The following XRCC1 variants were observed in gnomAD, a reference collection of about 807,000 sequenced individuals.
XRCC1 encodes DNA repair protein XRCC1.
A neutral mutation model predicts 83.3 loss-of-function variants in XRCC1; 52 were observed. The observed-to-expected ratio is 0.62, with a 90% CI of 0.50 to 0.79. The LOEUF (loss-of-function observed/expected upper bound fraction) is 0.79, where lower values mean the gene tolerates loss of function less well. Among genes scored for constraint, XRCC1 ranks in the 30% least tolerant of loss-of-function variants. The probability of loss-of-function intolerance (pLI) is 0.00; values close to 1 mark genes in which losing one functional copy is unlikely to be tolerated. For missense variants in XRCC1, 793 were observed against 823.5 expected (o/e 0.96, Z 0.45); for synonymous variants, 281 against 312.6 (o/e 0.90, Z 1.07).
At position 43,545,793 on chromosome 19, in the gene XRCC1, C is replaced by G. The variant is rs368840911; in HGVS notation, c.1621+25G>C. 2.5e-6 allele frequency: 4 copies of G among 1,611,886 alleles called. No homozygotes were observed. In the African/African-American group the frequency reaches 5.3e-5, roughly 22 times the overall value. ...GAACTGAGAAGAGAAAATGCCACTT[C>G]AGGAGGGATGGGGGGATTTCCCACC... On this transcript the variant is annotated intron_variant, in intron 14 of 16. Coordinates refer to ENST00000262887, the MANE Select transcript of XRCC1 (RefSeq NM_006297.3).
In XRCC1 at chr19:43,557,792, C is replaced by CAAAAAA. The variant is rs35267441; in HGVS notation, c.256-2994_256-2989dup. Among the ~76,000 whole-genome samples the CAAAAAA allele has an allele frequency of 6.8e-4, 28 of 41,012 alleles. 1 individual carries two copies. Among genetic ancestry groups the CAAAAAA allele is most frequent in the Admixed American group, 2.7e-3 (7 of 2,594 alleles). The allele number at this position is 41,012 out of a possible 152,430, so 26.9% of individuals were successfully genotyped here. A position where few individuals can be genotyped will look rare whatever the true frequency, so the allele number is the denominator to read the frequency against. ...GGGCAACAGGAGCAAAATTCCATCTCAAAAAAAAAAAAAAAAAAAAAAAAA... is the reference window on the plus strand; with the variant it reads ...GGGCAACAGGAGCAAAATTCCATCTCAAAAAAAAAAAAAAAAAAAAAAAAAAAAAAA... On this transcript the variant is annotated intron_variant, in intron 3 of 16. Transcript: ENST00000262887.
intron 8 of XRCC1, 101 bp downstream of exon 8, chr19:43,552,696 G>T: frequency 8.5e-7 from 1 of 1,173,942 alleles, no homozygotes; most frequent in Non-Finnish European, 1.2e-6. Flanking sequence ...CAGGCCCCCA[G>T]CCCTTCCTCC....
At chr19:43,547,485 C>CT (rs71169260) in intron 10 of XRCC1, among the ~76,000 whole-genome samples, 14,913 of 140,008 alleles carry the variant, frequency 0.11, 872 homozygotes, top group East Asian at 0.25. Flanking sequence ...CTCCTGGCCG[C>CT]TTTTTTTTTT....
In XRCC1 at chr19:43,543,515, G is replaced by T. The variant is rs777661657; in HGVS notation, c.1789-10C>A. The T allele has an allele frequency of 3.1e-6, 5 of 1,613,696 alleles. No homozygotes were observed. The highest frequency in any genetic ancestry group is 2.2e-5 in the East Asian group (1 of 44,846). ...GGTTGTCCATCAGGGCCTGCAGGGT[G>T]GGGTGGAGTCCATACGGGAATGTGT... On this transcript the variant is annotated splice_polypyrimidine_tract_variant and intron_variant, in intron 16 of 16. Transcript: ENST00000262887.
chr19:43,547,743 AC>A (rs1041658612), intron 10 of XRCC1, among the ~76,000 whole-genome samples: 1 of 151,700 alleles, frequency 6.6e-6, no homozygotes, highest in Admixed American at 6.6e-5. Context: ...CGAGTGATCC[AC>A]CCACCTCAGC....
In XRCC1 at chr19:43,552,097, G is replaced by C. The variant is rs1380630598; in HGVS notation, c.1002C>G (p.Phe334Leu). The change falls in exon 9 of 17, where the codon TTC (phenylalanine) becomes TTG (leucine). Residue 334 changes from phenylalanine (F) to leucine (L), a missense_variant. By Grantham distance (22) the Phe-to-Leu change is conservative. Transcript: ENST00000262887. ...VVVLSGFQNP[F>L]RSELRDKALE... ...GGGCCTTATCTCGCAGCTCGGAGCG[G>C]AAGGGGTTCTGGAAGCCACTCAGCA... 6.2e-7 allele frequency: 1 copy of C among 1,614,110 alleles called. No homozygotes were observed. Among genetic ancestry groups the C allele is most frequent in the Admixed American group, 1.7e-5 (1 of 60,014 alleles).
intron 2 of XRCC1, among the ~76,000 whole-genome samples, chr19:43,561,358 C>A (rs1972697352): frequency 6.6e-6 from 1 of 152,228 alleles, no homozygotes; most frequent in Non-Finnish European, 1.5e-5. Context: ...TTATTCAAAT[C>A]ATCATGCAGA....
rs778759395 is a variant in XRCC1 at position 43,575,452 on chromosome 19, C to G, written c.7G>C (p.Glu3Gln). 1 of 1,612,266 alleles carries G rather than the reference C, an allele frequency of 6.2e-7. No homozygotes were observed. The highest frequency in any genetic ancestry group is 8.5e-7 in the Non-Finnish European group (1 of 1,178,686). MP[E>Q]IRLRHVVSCS... ...GACACGACATGGCGGAGGCGGATCT[C>G]CGGCATGTCAACGTCGTGGGCTTCG... The change falls in exon 1 of 17, where the codon GAG (glutamate) becomes CAG (glutamine). Residue 3 changes from glutamate to glutamine, a missense_variant. Glu to Gln is a conservative substitution (Grantham distance 29). Transcript: ENST00000262887.
intron 15 of XRCC1, 48 bp downstream of exon 15, chr19:43,544,096 T>A: frequency 6.5e-7 from 1 of 1,528,456 alleles, no homozygotes; most frequent in Non-Finnish European, 8.9e-7. Flanking sequence ...CCCTGAGCGT[T>A]CCCTTGGATC....
chr19:43,571,807 C>T (rs757698124), intron 2 of XRCC1, among the ~76,000 whole-genome samples: 16 of 152,190 alleles, frequency 1.1e-4, no homozygotes, highest in Non-Finnish European at 1.9e-4. Context: ...TATTTTTTGT[C>T]TTCTGCTGTG....
intron 10 of XRCC1, among the ~76,000 whole-genome samples, chr19:43,547,939 T>C (rs1345279359): frequency 6.6e-6 from 1 of 152,160 alleles, no homozygotes; most frequent in African/African-American, 2.4e-5. Flanking sequence ...CAAACACATT[T>C]TAAAGACTAC....
At chr19:43,574,422 G>A (rs1242265593) in intron 2 of XRCC1, 1 of 152,132 alleles carries the variant, frequency 6.6e-6, no homozygotes, top group African/African-American at 2.4e-5. Context: ...ATAGAGACAG[G>A]GTCTTGATAT....
chr19:43,544,465 G>T (rs1177344197), intron 14 of XRCC1, among the ~76,000 whole-genome samples: 3 of 151,858 alleles, frequency 2.0e-5, no homozygotes, highest in Non-Finnish European at 4.4e-5. Context: ...CTATTATTGT[G>T]ATTTGTTTCT....
rs1385286728 is a variant in XRCC1 at position 43,543,661 on chromosome 19, C to T, written c.1739G>A (p.Arg580Gln). The change falls in exon 16 of 17, where the codon CGG becomes CAG. Residue 580 changes from arginine (R) to glutamine (Q), a missense_variant. Transcript: ENST00000262887. ...CTGTGCTGTGATCACAAACTGAACCCGGTCACTCATATAGTCCTCGAGCTC... is the reference window on the plus strand; with the variant it reads ...CTGTGCTGTGATCACAAACTGAACCTGGTCACTCATATAGTCCTCGAGCTC... ...NGELEDYMSDRVQFVITAQEW... is the reference protein window; with the variant it reads ...NGELEDYMSDQVQFVITAQEW... The T allele has an allele frequency of 2.5e-6, 4 of 1,613,886 alleles. No individual in the cohort carries two copies. Among genetic ancestry groups the T allele is most frequent in the African/African-American group, 2.7e-5 (2 of 74,888 alleles).
chr19:43,553,019 G>A lies in XRCC1; in HGVS notation c.674C>T (p.Ala225Val), dbSNP rs1267786964. The A allele has an allele frequency of 1.2e-6, 2 of 1,602,314 alleles. No homozygotes were observed. Among genetic ancestry groups the A allele is most frequent in the Admixed American group, 1.7e-5 (1 of 57,348 alleles). ...TLQASSAASS[A>V]SPVSRAIGST... ...GCCTATGGCCCTGGAGACTGGAGAG[G>A]CTGAGGAGGCAGCACTAGAAGCCTG... The change falls in exon 7 of 17, where the codon GCC becomes GTC. Residue 225 changes from alanine (A) to valine (V), a missense_variant. Transcript: ENST00000262887.
At chr19:43,544,973 G>C (rs1972494316) in intron 14 of XRCC1, among the ~76,000 whole-genome samples, 1 of 152,194 alleles carries the variant, frequency 6.6e-6, no homozygotes, top group Non-Finnish European at 1.5e-5. Context: ...AATGAGCTTA[G>C]TCCAGGCTGA....
In XRCC1 at chr19:43,546,919, C is replaced by T. The variant is rs754617618; in HGVS notation, c.1258G>A (p.Gly420Ser). The change falls in exon 11 of 17, where the codon GGC becomes AGC. Residue 420 changes from glycine to serine, a missense_variant. By Grantham distance (56) the Gly-to-Ser change is moderately conservative. Coordinates refer to ENST00000262887, the MANE Select transcript of XRCC1 (RefSeq NM_006297.3). ...AGCTTGGGGGCTTCATCTCCGCTGC[C>T]ACCGCTGTGAGAGGCCTCATCCTCC... ...SEEDEASHSG[G>S]SGDEAPKLPQ... The T allele has an allele frequency of 6.2e-7, 1 of 1,613,924 alleles. No homozygotes were observed. The highest frequency in any genetic ancestry group is 1.3e-5 in the African/African-American group (1 of 74,934).
At chr19:43,566,705 C>T (rs1046507807) in intron 2 of XRCC1, among the ~76,000 whole-genome samples, 1 of 151,336 alleles carries the variant, frequency 6.6e-6, no homozygotes, top group Non-Finnish European at 1.5e-5. Flanking sequence ...ACGGCGAAAC[C>T]CCGTCTCTAC....
At chr19:43,553,743 G>T (rs931905911) in intron 4 of XRCC1, 60 bp from the exon 5 acceptor site, 1 of 1,400,430 alleles carries the variant, frequency 7.1e-7, no homozygotes, top group Non-Finnish European at 9.7e-7. Context: ...CAGGGCCCAA[G>T]ACCCTTTTCA....
Sources: allele counts gnomAD v4.1 joint callset (sites outside exome capture counted in the v4.1 genomes callset), GRCh38; gene constraint gnomAD v4.1.1; transcripts MANE v1.5; gene names NCBI Gene and HGNC (gene_info 2026-07-23, HGNC 2026-07-21).